The following ANXA5 variants were observed in gnomAD, a reference collection of about 807,000 sequenced individuals.
The protein encoded by ANXA5 is annexin A5.
ANXA5 carries 40 observed loss-of-function variants against 48.1 expected under a neutral mutation model. That is an observed-to-expected ratio of 0.83 (90% CI 0.65 to 1.08). The LOEUF is 1.08. Ranked by LOEUF, ANXA5 falls within the 50% of genes least tolerant of loss-of-function variation. The probability of loss-of-function intolerance (pLI) is 0.00; values close to 1 mark genes in which losing one functional copy is unlikely to be tolerated. For missense variants in ANXA5, 357 were observed against 376.8 expected, an observed-to-expected ratio of 0.95 and a Z score of 0.44; for synonymous variants, 113 against 129.1, an observed-to-expected ratio of 0.88 and a Z score of 0.85.
intron 12 of ANXA5, among the ~76,000 whole-genome samples, chr4:121,669,101 G>A (rs1451020102): frequency 2.0e-5 from 3 of 149,300 alleles, no homozygotes; most frequent in African/African-American, 7.4e-5. Context: ...TGTAATTATA[G>A]GCCACAGAGC....
At chr4:121,669,331 G>A in intron 12 of ANXA5, 2 of 340,106 alleles carry the variant, frequency 5.9e-6, no homozygotes, top group Non-Finnish European at 1.1e-5. Context: ...ATAGGCAAGG[G>A]GTTTGGTTTG....
Position 121,671,597 on chromosome 4 carries a change from GTTTCCTCAA to G in ANXA5, c.662_670del (p.Ile221_Glu223del). The G allele has an allele frequency of 6.2e-7, 1 of 1,613,506 alleles. No homozygotes were observed. Among genetic ancestry groups the G allele is most frequent in the Non-Finnish European group, 8.5e-7 (1 of 1,179,566 alleles). ...ATTGCCAGAAGTCTCGCGGTCAATG[GTTTCCTCAA>G]TTTGAAATCCTGATATAGTCATGTA... On this transcript the variant is annotated inframe_deletion, in exon 10 of 13. Coordinates refer to ENST00000296511, the MANE Select transcript of ANXA5 (RefSeq NM_001154.4).
chr4:121,696,338 T>C (rs2306413), intron 2 of ANXA5, among the ~76,000 whole-genome samples: 64,487 of 151,170 alleles, frequency 0.43, 13,932 homozygotes, highest in Non-Finnish European at 0.46. Flanking sequence ...TCACCAGCTG[T>C]TGCGCGCGAA....
chr4:121,685,514 A>G (rs1274719455), intron 3 of ANXA5, among the ~76,000 whole-genome samples: 1 of 152,190 alleles, frequency 6.6e-6, no homozygotes, highest in Non-Finnish European at 1.5e-5. Context: ...GCTTTCATAA[A>G]CAGCAGATAA....
At chr4:121,692,103 T>C (rs11731225) in intron 2 of ANXA5, among the ~76,000 whole-genome samples, 8,251 of 152,224 alleles carry the variant, frequency 0.054, 478 homozygotes, top group African/African-American at 0.15. Context: ...TCCTTTCCTT[T>C]TCATGCTCCA....
chr4:121,695,783 C>T (rs918238259), intron 2 of ANXA5, among the ~76,000 whole-genome samples: 41 of 151,862 alleles, frequency 2.7e-4, no homozygotes, highest in Non-Finnish European at 5.3e-4. Context: ...GCCTGTAATC[C>T]CAGCTACTTG....
Position 121,686,360 on chromosome 4 carries a change from T to A in ANXA5, c.22A>T (p.Thr8Ser). The change falls in exon 3 of 13, where the codon ACT (threonine) becomes TCT (serine). Residue 8 changes from threonine to serine, a missense_variant. Transcript: ENST00000296511. MAQVLRG[T>S]VTDFPGFDER... ...TCAAATCCAGGGAAGTCAGTCACAG[T>A]GCCTCTGAGAACCTAATTCACGAAA... 6.2e-7 allele frequency: 1 copy of A among 1,613,880 alleles called. No individual in the cohort carries two copies. Among genetic ancestry groups the A allele is most frequent in the Non-Finnish European group, 8.5e-7 (1 of 1,179,742 alleles).
chr4:121,685,397 A>G (rs1222196788), intron 3 of ANXA5, among the ~76,000 whole-genome samples: 1 of 152,192 alleles, frequency 6.6e-6, no homozygotes, highest in African/African-American at 2.4e-5. Context: ...TTCATGGAGA[A>G]GGTGACACCC....
At chr4:121,682,199 C>G (rs908862168) in intron 5 of ANXA5, among the ~76,000 whole-genome samples, 1 of 151,972 alleles carries the variant, frequency 6.6e-6, no homozygotes, top group Admixed American at 6.6e-5. Flanking sequence ...AAGATAAACC[C>G]CTGACCCCCA....
intron 7 of ANXA5, 70 bp from the exon 8 acceptor site, chr4:121,678,020 C>G: frequency 8.4e-7 from 1 of 1,185,056 alleles, no homozygotes. Context: ...ATGGTTCCAC[C>G]TGATGGTTAT....
chr4:121,674,267 G>A (rs866330500), intron 8 of ANXA5, among the ~76,000 whole-genome samples: 26 of 112,642 alleles, frequency 2.3e-4, no homozygotes, highest in African/African-American at 8.8e-4. Flanking sequence ...GGATAGGAAG[G>A]AGAAGGGAGG....
At chr4:121,692,387 T>A (rs1051361132) in intron 2 of ANXA5, among the ~76,000 whole-genome samples, 1 of 152,222 alleles carries the variant, frequency 6.6e-6, no homozygotes, top group Non-Finnish European at 1.5e-5. Flanking sequence ...AATGGAAAGT[T>A]AAATTGTGTG....
At position 121,686,421 on chromosome 4, in the gene ANXA5, A is replaced by G. The variant is rs1423121026; in HGVS notation, c.10-49T>C. 2.9e-6 allele frequency: 4 copies of G among 1,358,584 alleles called. No individual in the cohort carries two copies. In the Admixed American group the frequency reaches 5.2e-5, roughly 18 times the overall value. The allele number at this position is 1,358,584 out of a possible 1,614,324, so 84.2% of individuals were successfully genotyped here. On this transcript the variant is annotated intron_variant, in intron 2 of 12. Transcript: ENST00000296511. ...TTATTCATATCATGACTAATATGAC[A>G]AAGTAAATAACACAAACAGGAAGCC...
chr4:121,684,592 A>G, intron 4 of ANXA5, 85 bp downstream of exon 4: 1 of 1,129,572 alleles, frequency 8.9e-7, no homozygotes, highest in Non-Finnish European at 1.3e-6. Flanking sequence ...AATGATGCTT[A>G]CAAAAGAATA....
intron 8 of ANXA5, among the ~76,000 whole-genome samples, chr4:121,674,808 G>A (rs1724671274): frequency 6.6e-6 from 1 of 152,084 alleles, no homozygotes; most frequent in Non-Finnish European, 1.5e-5. Flanking sequence ...GGATCCATCT[G>A]GATGAGGGAC....
chr4:121,671,001 C>A (rs995343650), intron 10 of ANXA5, among the ~76,000 whole-genome samples: 3 of 152,104 alleles, frequency 2.0e-5, no homozygotes, highest in Admixed American at 1.3e-4. Context: ...CTTTGGAGTA[C>A]ATAATACTGC....
At chr4:121,674,349 G>A (rs1044253284) in intron 8 of ANXA5, among the ~76,000 whole-genome samples, 4 of 151,772 alleles carry the variant, frequency 2.6e-5, no homozygotes, top group African/African-American at 9.7e-5. Flanking sequence ...AAAGGAGAAA[G>A]GGGAAAGAGA....
At chr4:121,686,911 G>C (rs1724900984) in intron 2 of ANXA5, among the ~76,000 whole-genome samples, 1 of 152,128 alleles carries the variant, frequency 6.6e-6, no homozygotes, top group Non-Finnish European at 1.5e-5. Context: ...CTTTATAAAG[G>C]TGTATTGGAA....
At chr4:121,676,290 T>A (rs112777688) in intron 8 of ANXA5, among the ~76,000 whole-genome samples, 1 of 152,166 alleles carries the variant, frequency 6.6e-6, no homozygotes, top group African/African-American at 2.4e-5. Flanking sequence ...CCTTTAATGA[T>A]AGAGAAAATC....
Sources: gnomAD v4.1 joint callset for allele counts (sites outside exome capture counted in the v4.1 genomes callset) on GRCh38, gnomAD v4.1.1 for gene constraint, MANE v1.5 for transcripts, NCBI Gene and HGNC (gene_info 2026-07-23, HGNC 2026-07-21) for gene names.